UTRN: variants seen among roughly 807,000 people sequenced by gnomAD.
UTRN encodes the protein utrophin.
UTRN carries 283 observed loss-of-function variants against 463.9 expected under a neutral mutation model. That is an observed-to-expected ratio of 0.61 (90% CI 0.55 to 0.67). The LOEUF (loss-of-function observed/expected upper bound fraction) is 0.67, where lower values mean the gene tolerates loss of function less well. Ranked by LOEUF, UTRN falls within the 30% of genes least tolerant of loss-of-function variation. The probability of loss-of-function intolerance (pLI) is 0.00; values close to 1 mark genes in which losing one functional copy is unlikely to be tolerated. For synonymous variants in UTRN, 1,442 were observed against 1,431.5 expected, an observed-to-expected ratio of 1.01 and a Z score of -0.17; for missense variants, 3,922 against 4,084.3, an observed-to-expected ratio of 0.96 and a Z score of 1.08.
At chr6:144,806,562 A>C in intron 65 of UTRN, among the ~76,000 whole-genome samples, 4 of 102,138 alleles carry the variant, frequency 3.9e-5, no homozygotes, top group East Asian at 3.3e-4. Flanking sequence ...GATTGCTATT[A>C]TTGTAGCATT....
At position 144,490,251 on chromosome 6, in the gene UTRN, T is replaced by A. The variant is rs536351290; in HGVS notation, c.4263+52T>A. On this transcript the variant is annotated intron_variant, in intron 31 of 74. Transcript: ENST00000367545. ...ACTTTTCAACTTGTTGGGAATTTTC[T>A]TCAAAAAAGAGAAAGAATTGATTAC... 5.2e-5 allele frequency: 81 copies of A among 1,564,976 alleles called. 2 individuals carry two copies. In the South Asian group the frequency reaches 9.3e-4, roughly 18 times the overall value.
rs933097057 is a variant in UTRN, at chr6:144,768,365, G to A, written c.8496-3542G>A. On this transcript the variant is annotated intron_variant, in intron 58 of 74. Transcript: ENST00000367545. ...GTTATCCCAGCTGGGGCTCTTCAGA[G>A]TAAGGGGGCACTTTTAATAATTATA... 3.9e-5 allele frequency among the ~76,000 whole-genome samples: 6 copies of A among 152,174 alleles called. No individual in the cohort carries two copies. The East Asian group carries it at 9.6e-4, about 24-fold the overall frequency.
chr6:144,349,804 C>G (rs1777952332), intron 2 of UTRN, among the ~76,000 whole-genome samples: 1 of 152,194 alleles, frequency 6.6e-6, no homozygotes, highest in Non-Finnish European at 1.5e-5. Flanking sequence ...GCTTCCTATT[C>G]TAACCGTTTG....
chr6:144,436,017 G>A lies in UTRN; in HGVS notation c.938G>A (p.Ser313Asn). ...ACTGAGGTTGACATGGATCTGGACA[G>A]CTATCAGATTGCGTTGGAGGAAGTG... ...TVTEVDMDLD[S>N]YQIALEEVLT... Residue 313 changes from serine to asparagine, a missense_variant, in exon 10 of 75, where the codon AGC becomes AAC. Physicochemically the swap from Ser to Asn is conservative, Grantham distance 46 (BLOSUM62 1). Around this residue, in one of 3 missense-constraint regions of UTRN, gnomAD observed 2,349 missense variants for 2,303.8 expected, o/e 1.02. Transcript: ENST00000367545. 6.2e-7 allele frequency: 1 copy of A among 1,614,242 alleles called. No individual in the cohort carries two copies. Among genetic ancestry groups the A allele is most frequent in the Non-Finnish European group, 8.5e-7 (1 of 1,180,056 alleles).
intron 39 of UTRN, among the ~76,000 whole-genome samples, chr6:144,517,908 A>G (rs1585093570): frequency 6.6e-6 from 1 of 152,212 alleles, no homozygotes; most frequent in Non-Finnish European, 1.5e-5. Context: ...ATGCATGACT[A>G]TACTTTAAAA....
intron 53 of UTRN, among the ~76,000 whole-genome samples, chr6:144,718,072 GGCTAGA>G (rs1786707080): frequency 6.6e-6 from 1 of 152,172 alleles, no homozygotes; most frequent in African/African-American, 2.4e-5. Context: ...TAGGTAAAAT[GGCTAGA>G]ACCTTCCTCT....
intron 41 of UTRN, among the ~76,000 whole-genome samples, chr6:144,528,841 C>T (rs1373689870): frequency 2.3e-4 from 35 of 152,216 alleles, no homozygotes; most frequent in Admixed American, 2.2e-3. Flanking sequence ...GAGGATTAGG[C>T]GGCAGGCAGG....
chr6:144,299,348 G>A lies in UTRN; in HGVS notation c.79+7441G>A, dbSNP rs183587132. ...TGAAAATGATCTGCATTTTAGAGGA[G>A]CAAGGAAAGCTACAACGTTTATTAT... On this transcript the variant is annotated intron_variant, in intron 2 of 74. Coordinates refer to ENST00000367545, the MANE Select transcript of UTRN (RefSeq NM_007124.3). 1.5e-3 allele frequency among the ~76,000 whole-genome samples: 222 copies of A among 152,300 alleles called. 1 individual carries two copies. The highest frequency in any genetic ancestry group is 2.5e-3 in the Non-Finnish European group (171 of 68,028).
At chr6:144,784,226 C>A (rs1156711473) in intron 61 of UTRN, among the ~76,000 whole-genome samples, 1 of 152,166 alleles carries the variant, frequency 6.6e-6, no homozygotes, top group Non-Finnish European at 1.5e-5. Flanking sequence ...TTATATTGTC[C>A]ATGGCTCTGA....
intron 51 of UTRN, among the ~76,000 whole-genome samples, chr6:144,597,235 C>CAAAAAAAA (rs67471247): frequency 5.0e-4 from 43 of 85,592 alleles, no homozygotes; most frequent in South Asian, 1.1e-3. Flanking sequence ...GAGACTGTCT[C>CAAAAAAAA]AAAAAAAAAA....
intron 51 of UTRN, among the ~76,000 whole-genome samples, chr6:144,584,531 A>G (rs1802274516): frequency 6.6e-6 from 1 of 152,072 alleles, no homozygotes; most frequent in Admixed American, 6.6e-5. Flanking sequence ...TATTTTTCTG[A>G]TGATATACAG....
At chr6:144,653,203 T>C (rs1010490413) in intron 51 of UTRN, among the ~76,000 whole-genome samples, 1 of 152,176 alleles carries the variant, frequency 6.6e-6, no homozygotes, top group Non-Finnish European at 1.5e-5. Context: ...TACCTGTACA[T>C]AACTACATAT....
chr6:144,838,396 A>C (rs1263174593), intron 71 of UTRN, among the ~76,000 whole-genome samples: 1 of 152,224 alleles, frequency 6.6e-6, no homozygotes, highest in Non-Finnish European at 1.5e-5. Context: ...TAATAGTAAA[A>C]ACTAGCAGAA....
chr6:144,732,265 TATATATATATATACACAC>T (rs1400332958), intron 54 of UTRN, among the ~76,000 whole-genome samples: 22 of 78,404 alleles, frequency 2.8e-4, no homozygotes, highest in East Asian at 2.0e-3. Context: ...TATACACACA[TATATATATATATACACAC>T]ATATATATAT....
At chr6:144,419,723 C>T (rs1406601779) in intron 3 of UTRN, among the ~76,000 whole-genome samples, 1 of 152,166 alleles carries the variant, frequency 6.6e-6, no homozygotes, top group Non-Finnish European at 1.5e-5. Context: ...AGGGTCAGCT[C>T]CTGTCTGAAG....
intron 51 of UTRN, among the ~76,000 whole-genome samples, chr6:144,660,452 A>G (rs375606957): frequency 6.6e-6 from 1 of 152,146 alleles, no homozygotes; most frequent in African/African-American, 2.4e-5. Context: ...GCTAATTAGC[A>G]ATTACTTCCT....
chr6:144,647,731 G>A (rs968082515), intron 51 of UTRN, among the ~76,000 whole-genome samples: 5 of 152,192 alleles, frequency 3.3e-5, no homozygotes, highest in Non-Finnish European at 7.3e-5. Flanking sequence ...CTCCCCCTTC[G>A]TGGCCTTCCA....
rs919386833 is a variant in UTRN, at chr6:144,616,254, T to G, written c.7479+38966T>G. Reference sequence around the variant, plus strand: ...TTGATTCTGAACTATTGTTAAATAATTCACACAGTTAATTATAATTACCAT... The same window carrying G: ...TTGATTCTGAACTATTGTTAAATAAGTCACACAGTTAATTATAATTACCAT... On this transcript the variant is annotated intron_variant, in intron 51 of 74. Transcript: ENST00000367545. 1.1e-4 allele frequency among the ~76,000 whole-genome samples: 16 copies of G among 152,232 alleles called. No homozygotes were observed. In the East Asian group the frequency reaches 1.9e-3, roughly 18 times the overall value.
In UTRN at chr6:144,774,360, A is replaced by G. The variant is rs771968693; in HGVS notation, c.8628A>G (p.Leu2876=). 1.9e-6 allele frequency: 3 copies of G among 1,590,488 alleles called. No individual in the cohort carries two copies. Among genetic ancestry groups the G allele is most frequent in the Admixed American group, 1.9e-5 (1 of 53,518 alleles). Residue 2876 remains leucine (L), a synonymous_variant, in exon 60 of 75, where the codon CTA becomes CTG. Coordinates refer to ENST00000367545, the MANE Select transcript of UTRN (RefSeq NM_007124.3). ...AIKIRRLQKA[L]CLDLLELSTT... is the part of the protein sequence containing the mutation. ...AAATCCGAAGACTACAAAAAGCACT[A>G]TGTTGTGAGTTATTCTACCAAAGTT...
Sources: gnomAD v4.1 joint callset for allele counts (sites outside exome capture counted in the v4.1 genomes callset) on GRCh38, gnomAD v4.1.1 for gene constraint, gnomAD v4.1.1 regional missense constraint, MANE v1.5 for transcripts, NCBI Gene and HGNC (gene_info 2026-07-23, HGNC 2026-07-21) for gene names.